Variants in KLRG1 observed in about 807,000 individuals in gnomAD.
KLRG1 encodes killer cell lectin like receptor G1.
KLRG1 carries 16 observed loss-of-function variants against 21.8 expected under a neutral mutation model. The observed-to-expected ratio is 0.73, with a 90% confidence interval of 0.50 to 1.11. KLRG1 has a LOEUF of 1.11. KLRG1 is among the 50% of genes most tolerant of loss of function. KLRG1 has a pLI of 0.00. For missense variants in KLRG1, 173 were observed against 218.3 expected (o/e 0.79, Z 1.31); for synonymous variants, 69 against 75.9 (o/e 0.91, Z 0.47).
rs759072418 is a variant in KLRG1 at position 8,990,855 on chromosome 12, A to G, written c.82+1138A>G. Among the ~76,000 whole-genome samples the G allele has an allele frequency of 2.0e-5, 3 of 152,322 alleles. No individual in the cohort carries two copies. In the South Asian group the frequency reaches 6.2e-4, roughly 32 times the overall value. On this transcript the variant is annotated intron_variant, in intron 1 of 4. Coordinates refer to ENST00000356986, the MANE Select transcript of KLRG1 (RefSeq NM_005810.4). ...TTTTAAAATTTAGCATAACATAAAA[A>G]TGAACATTTGTGTATTTCATTAAAT...
At chr12:8,951,475 A>C (rs1450666160) in intron 1 of KLRG1, among the ~76,000 whole-genome samples, 1 of 152,208 alleles carries the variant, frequency 6.6e-6, no homozygotes, top group Non-Finnish European at 1.5e-5. Flanking sequence ...TCTCAAAAAG[A>C]TATGTATGTA....
At chr12:9,055,302 GCTTTTGCAAAAAA>G in the KLRG1 span, among the ~76,000 whole-genome samples, 6 of 152,100 alleles carry the variant, frequency 3.9e-5, no homozygotes, top group Non-Finnish European at 7.4e-5. Context: ...CATTTCTTCT[GCTTTTGCAAAAAA>G]TGTTTCCACT....
At chr12:9,068,647 C>T in the KLRG1 span, 1 of 1,007,556 alleles carries the variant, frequency 9.9e-7, no homozygotes, top group Non-Finnish European at 1.5e-6. Flanking sequence ...AATGTAATTA[C>T]TTAATGTAAT....
the KLRG1 span, among the ~76,000 whole-genome samples, chr12:9,202,135 A>G: frequency 6.6e-6 from 1 of 152,166 alleles, no homozygotes; most frequent in Non-Finnish European, 1.5e-5. Context: ...TAAGAGAAAG[A>G]ACTTCCTCAT....
chr12:9,022,795 A>G, the KLRG1 span, among the ~76,000 whole-genome samples: 3 of 152,170 alleles, frequency 2.0e-5, no homozygotes, highest in Non-Finnish European at 2.9e-5. Context: ...ATGGCCATCA[A>G]TGATGGCCAA....
the KLRG1 span, chr12:9,201,005 A>T: frequency 1.9e-6 from 3 of 1,614,094 alleles, no homozygotes; most frequent in East Asian, 6.7e-5. Context: ...CAACTGATTG[A>T]TGCCAGCTTC....
chr12:9,166,161 C>G, the KLRG1 span: 5 of 1,613,752 alleles, frequency 3.1e-6, 1 homozygote, highest in South Asian at 5.5e-5. Flanking sequence ...TTATATGTGC[C>G]TAATTGAGGA....
the KLRG1 span, among the ~76,000 whole-genome samples, chr12:9,082,382 A>C: frequency 0.023 from 3,517 of 152,238 alleles, 144 homozygotes; most frequent in African/African-American, 0.08. Context: ...GCTCCACCAG[A>C]TAGCAGAGAC....
the KLRG1 span, chr12:9,090,147 G>A: frequency 1.3e-5 from 18 of 1,427,146 alleles, no homozygotes; most frequent in Non-Finnish European, 1.5e-5. Flanking sequence ...AAGCAGGAAC[G>A]GAAACATGCA....
chr12:9,169,651 G>T, the KLRG1 span: 1 of 1,403,952 alleles, frequency 7.1e-7, no homozygotes. Context: ...GAAATAGAAT[G>T]AACTGAGAGA....
the KLRG1 span, chr12:9,098,633 G>A: frequency 1.9e-6 from 3 of 1,607,398 alleles, no homozygotes; most frequent in South Asian, 1.1e-5. Context: ...TCAGCATCAG[G>A]CTTCATGAGC....
At chr12:9,117,831 C>T in the KLRG1 span, among the ~76,000 whole-genome samples, 1 of 151,922 alleles carries the variant, frequency 6.6e-6, no homozygotes, top group Admixed American at 6.6e-5. Flanking sequence ...CCAATATATC[C>T]AAAATATGAT....
the KLRG1 span, chr12:9,169,742 A>G: frequency 3.0e-6 from 2 of 656,128 alleles, no homozygotes; most frequent in Non-Finnish European, 4.6e-6. Flanking sequence ...TTTTCCTTAT[A>G]TTTAACAGTG....
intron 1 of KLRG1, among the ~76,000 whole-genome samples, chr12:8,956,078 G>A (rs767524258): frequency 1.4e-4 from 22 of 152,236 alleles, no homozygotes; most frequent in African/African-American, 5.3e-4. Flanking sequence ...CTGAATAAAC[G>A]TCCTCTCTGC....
the KLRG1 span, among the ~76,000 whole-genome samples, chr12:9,030,592 G>C: frequency 1.3e-5 from 2 of 152,108 alleles, no homozygotes; most frequent in African/African-American, 4.8e-5. Flanking sequence ...ATTTTTAGTA[G>C]AGACGGGGTT....
the KLRG1 span, chr12:9,069,955 A>G: frequency 1.5e-5 from 10 of 667,826 alleles, no homozygotes; most frequent in East Asian, 2.7e-4. Context: ...ATAATGTAAT[A>G]CAATTAAAAA....
chr12:9,072,127 T>G, the KLRG1 span, among the ~76,000 whole-genome samples: 4 of 152,222 alleles, frequency 2.6e-5, no homozygotes, highest in Non-Finnish European at 5.9e-5. Flanking sequence ...ATTTACTTAG[T>G]TGTTATTGAG....
chr12:9,134,102 G>A, the KLRG1 span, among the ~76,000 whole-genome samples: 1 of 152,162 alleles, frequency 6.6e-6, no homozygotes, highest in Non-Finnish European at 1.5e-5. Context: ...GAATTGGAAG[G>A]AAGTCTACAG....
the KLRG1 span, among the ~76,000 whole-genome samples, chr12:9,138,417 T>A: frequency 2.3e-4 from 35 of 152,110 alleles, no homozygotes; most frequent in African/African-American, 7.0e-4. Context: ...CTAATATTTT[T>A]AAAATATTTT....
Sources: gnomAD v4.1 joint callset for allele counts (sites outside exome capture counted in the v4.1 genomes callset) on GRCh38, gnomAD v4.1.1 for gene constraint, MANE v1.5 for transcripts, NCBI Gene and HGNC (gene_info 2026-07-23, HGNC 2026-07-21) for gene names.